Variants in TXLNB observed in about 807,000 individuals in gnomAD.
TXLNB encodes the protein taxilin beta, also known as beta-taxilin.
A neutral mutation model predicts 57.4 loss-of-function variants in TXLNB; 37 were observed. That is an observed-to-expected ratio of 0.64 (90% CI 0.50 to 0.85). The LOEUF (loss-of-function observed/expected upper bound fraction) is 0.85. TXLNB is among the 40% of genes least tolerant of loss of function. The pLI is 0.00. For synonymous variants in TXLNB, 302 were observed against 309.6 expected (o/e 0.98, Z 0.26); for missense variants, 848 against 825.6 (o/e 1.03, Z -0.33).
chr6:139,238,195 A>G (rs1775857434), downstream of TXLNB, among the ~76,000 whole-genome samples: 1 of 152,052 alleles, frequency 6.6e-6, no homozygotes, highest in South Asian at 2.1e-4. Flanking sequence ...GGAGTTTGAG[A>G]CCAGTCTGGC....
the TXLNB span, among the ~76,000 whole-genome samples, chr6:139,181,025 G>A: frequency 4.0e-3 from 611 of 152,324 alleles, 2 homozygotes; most frequent in Middle Eastern, 0.014. Flanking sequence ...AAAGCTTTCA[G>A]TATGACAAAG....
chr6:139,276,127 A>G (rs565860223), intron 3 of TXLNB, among the ~76,000 whole-genome samples: 42 of 152,342 alleles, frequency 2.8e-4, no homozygotes, highest in African/African-American at 9.9e-4. Flanking sequence ...GTACATGCTG[A>G]AAGTTGCTAG....
chr6:139,190,450 C>G, the TXLNB span, among the ~76,000 whole-genome samples: 2 of 151,864 alleles, frequency 1.3e-5, no homozygotes, highest in Admixed American at 6.6e-5. Flanking sequence ...GCTGGGACTA[C>G]AGGTGCCCAC....
At chr6:139,289,401 C>A (rs1001713197) in intron 1 of TXLNB, among the ~76,000 whole-genome samples, 22 of 152,302 alleles carry the variant, frequency 1.4e-4, no homozygotes, top group Admixed American at 1.1e-3. Context: ...TTAAAAGGGA[C>A]AAGAAATGCT....
chr6:139,300,200 G>A, the TXLNB span, among the ~76,000 whole-genome samples: 1 of 152,202 alleles, frequency 6.6e-6, no homozygotes, highest in East Asian at 1.9e-4. Flanking sequence ...AAACAGGTGT[G>A]TGGTGGTCAC....
chr6:139,205,177 G>A, the TXLNB span, among the ~76,000 whole-genome samples: 1 of 152,218 alleles, frequency 6.6e-6, no homozygotes, highest in African/African-American at 2.4e-5. Flanking sequence ...CCTGGCTGGA[G>A]GCCAACCAAG....
the TXLNB span, among the ~76,000 whole-genome samples, chr6:139,308,729 G>T: frequency 3.9e-5 from 6 of 152,300 alleles, no homozygotes; most frequent in African/African-American, 1.4e-4. Context: ...CTATTGAGAT[G>T]CTGGGTCATT....
At chr6:139,180,327 A>G in the TXLNB span, 1 of 152,564 alleles carries the variant, frequency 6.6e-6, no homozygotes, top group Non-Finnish European at 1.5e-5. Context: ...CTAATTTGCT[A>G]AGTCTTTTGT....
At chr6:139,297,181 T>C in the TXLNB span, among the ~76,000 whole-genome samples, 4 of 152,194 alleles carry the variant, frequency 2.6e-5, no homozygotes, top group Non-Finnish European at 4.4e-5. Context: ...TCAATTCTTC[T>C]GGCTTCCCTA....
At chr6:139,291,134 A>G (rs909639203) in intron 1 of TXLNB, among the ~76,000 whole-genome samples, 6 of 152,224 alleles carry the variant, frequency 3.9e-5, no homozygotes, top group Admixed American at 3.3e-4. Flanking sequence ...CCTCCCCTGA[A>G]CACGGAGAAA....
chr6:139,291,595 G>A (rs192729338), intron 1 of TXLNB, among the ~76,000 whole-genome samples: 70 of 151,798 alleles, frequency 4.6e-4, no homozygotes, highest in African/African-American at 1.6e-3. Context: ...TTAACAAGAG[G>A]GAAAAAAACA....
the TXLNB span, among the ~76,000 whole-genome samples, chr6:139,161,280 T>G: frequency 6.6e-6 from 1 of 152,076 alleles, no homozygotes. Flanking sequence ...TATTACTGGG[T>G]GTATTTAACA....
At chr6:139,191,856 C>T in the TXLNB span, among the ~76,000 whole-genome samples, 313 of 152,220 alleles carry the variant, frequency 2.1e-3, 1 homozygote, top group Non-Finnish European at 3.3e-3. Context: ...CGCACTTGGC[C>T]TCCTAAGAAA....
the TXLNB span, among the ~76,000 whole-genome samples, chr6:139,224,155 A>T: frequency 6.6e-6 from 1 of 150,904 alleles, no homozygotes; most frequent in Non-Finnish European, 1.5e-5. Flanking sequence ...AGGGACATGG[A>T]TGAAATTGGA....
the TXLNB span, among the ~76,000 whole-genome samples, chr6:139,173,703 A>T: frequency 6.6e-6 from 1 of 152,216 alleles, no homozygotes; most frequent in Non-Finnish European, 1.5e-5. Flanking sequence ...ATACACTAGG[A>T]TGACATCTTT....
At position 139,270,475 on chromosome 6, in the gene TXLNB, C is replaced by T. The variant is rs141508107; in HGVS notation, c.668G>A (p.Arg223Lys). ...KLESLCRELQ[R>K]HNKTLKEEAL... ...ACATACCTTCAGAGTCTTGTTGTGT[C>T]TCTGCAGCTCCCGGCACAGACTCTC... Residue 223 changes from arginine (R) to lysine (K), a missense_variant, in exon 4 of 10, where the codon AGA becomes AAA. Coordinates refer to ENST00000358430, the MANE Select transcript of TXLNB (RefSeq NM_153235.4). The T allele has an allele frequency of 1.1e-4, 185 of 1,613,870 alleles. No homozygotes were observed. Among genetic ancestry groups the T allele is most frequent in the Non-Finnish European group, 1.5e-4 (176 of 1,179,988 alleles).
the TXLNB span, among the ~76,000 whole-genome samples, chr6:139,213,033 G>A: frequency 6.6e-6 from 1 of 152,168 alleles, no homozygotes; most frequent in Non-Finnish European, 1.5e-5. Flanking sequence ...AATAATGGGA[G>A]ACTAACACCC....
chr6:139,166,691 C>A, the TXLNB span: 2 of 1,613,158 alleles, frequency 1.2e-6, no homozygotes, highest in Non-Finnish European at 1.7e-6. Flanking sequence ...AAAGTGCAGG[C>A]CCCCAAATAA....
At chr6:139,245,198 A>G (rs1776041168) in intron 8 of TXLNB, among the ~76,000 whole-genome samples, 1 of 152,206 alleles carries the variant, frequency 6.6e-6, no homozygotes, top group Non-Finnish European at 1.5e-5. Flanking sequence ...TACATGCATT[A>G]TTTGTTTCAT....
Sources: gnomAD v4.1 joint callset for allele counts (sites outside exome capture counted in the v4.1 genomes callset) on GRCh38, gnomAD v4.1.1 for gene constraint, MANE v1.5 for transcripts, NCBI Gene and HGNC (gene_info 2026-07-23, HGNC 2026-07-21) for gene names.